Variants in LARS2 observed in about 807,000 individuals in gnomAD.
LARS2 encodes leucine--tRNA ligase, mitochondrial.
A neutral mutation model predicts 116.6 loss-of-function variants in LARS2; 81 were observed. The observed-to-expected ratio is 0.69, with a 90% confidence interval of 0.58 to 0.84. The LOEUF (loss-of-function observed/expected upper bound fraction) is 0.84, where lower values mean the gene tolerates loss of function less well. LARS2 is among the 40% of genes least tolerant of loss of function. LARS2 has a pLI of 0.00. For missense variants in LARS2, 968 were observed against 1,114.5 expected, an observed-to-expected ratio of 0.87 and a Z score of 1.87; for synonymous variants, 396 against 407.2, an observed-to-expected ratio of 0.97 and a Z score of 0.33.
intron 4 of LARS2, among the ~76,000 whole-genome samples, chr3:45,406,293 A>G (rs1698230266): frequency 6.6e-6 from 1 of 152,126 alleles, no homozygotes; most frequent in Non-Finnish European, 1.5e-5. Context: ...TGATCCCCTG[A>G]GGAGTTTGCT....
intron 10 of LARS2, among the ~76,000 whole-genome samples, chr3:45,477,568 C>G (rs1699636965): frequency 6.6e-6 from 1 of 152,172 alleles, no homozygotes; most frequent in African/African-American, 2.4e-5. Context: ...AGGGGGAGCT[C>G]TCCAAAACAA....
At chr3:45,394,989 G>T (rs1698021509) in intron 3 of LARS2, among the ~76,000 whole-genome samples, 1 of 152,160 alleles carries the variant, frequency 6.6e-6, no homozygotes. Flanking sequence ...GTGTATGACA[G>T]ACAGCAGCAA....
At chr3:45,529,546 T>C (rs1450179588) in intron 20 of LARS2, among the ~76,000 whole-genome samples, 1 of 143,128 alleles carries the variant, frequency 7.0e-6, no homozygotes, top group East Asian at 2.0e-4. Flanking sequence ...CGAAACTCCA[T>C]CTCCAAAAAA....
chr3:45,441,756 T>C (rs1286510756), intron 6 of LARS2, among the ~76,000 whole-genome samples: 2 of 152,200 alleles, frequency 1.3e-5, no homozygotes, highest in Non-Finnish European at 2.9e-5. Flanking sequence ...CCAGACTGGC[T>C]TAATTGTTAA....
intron 6 of LARS2, among the ~76,000 whole-genome samples, chr3:45,424,266 A>T (rs1419920912): frequency 6.6e-6 from 1 of 152,232 alleles, no homozygotes; most frequent in Non-Finnish European, 1.5e-5. Flanking sequence ...TAATACACAT[A>T]ACCTAATGAA....
chr3:45,470,833 G>A (rs1240899037), intron 8 of LARS2, among the ~76,000 whole-genome samples: 1 of 151,932 alleles, frequency 6.6e-6, no homozygotes, highest in East Asian at 1.9e-4. Flanking sequence ...TACATATTGG[G>A]TTCCCTCAGA....
intron 15 of LARS2, among the ~76,000 whole-genome samples, chr3:45,511,577 A>G (rs1053444194): frequency 7.2e-6 from 1 of 138,890 alleles, no homozygotes; most frequent in Non-Finnish European, 1.5e-5. Flanking sequence ...AGTTTACCTT[A>G]AAAAAAAAAA....
chr3:45,532,467 T>C (rs368448113), intron 20 of LARS2, among the ~76,000 whole-genome samples: 2 of 152,358 alleles, frequency 1.3e-5, no homozygotes, highest in African/African-American at 4.8e-5. Flanking sequence ...ATGGTAGACT[T>C]AATATACCAT....
chr3:45,448,679 C>G (rs1699061382), intron 7 of LARS2, among the ~76,000 whole-genome samples: 1 of 152,160 alleles, frequency 6.6e-6, no homozygotes, highest in Non-Finnish European at 1.5e-5. Context: ...AAGGGATGGG[C>G]CAAATTAAAG....
chr3:45,524,041 T>A lies in LARS2; in HGVS notation c.2337T>A (p.Asp779Glu), dbSNP rs1245387659. ...SVILHSPEFE[D>E]ALCALMVMAA... The stretch of plus-strand genomic sequence containing the variant: ...TTCTCCACAGCCCCGAGTTTGAGGA[T>A]GCTTTGTGTGCCCTGATGGTAATGG... The change falls in exon 20 of 22, where the codon GAT becomes GAA. Residue 779 changes from aspartate to glutamate, a missense_variant. Transcript: ENST00000645846. The A allele has an allele frequency of 2.5e-6, 4 of 1,614,132 alleles. No homozygotes were observed. The highest frequency in any genetic ancestry group is 2.5e-6 in the Non-Finnish European group (3 of 1,179,994).
At chr3:45,545,984 CAAGATCCCACAGCTTGT>C (rs1700870416) in intron 21 of LARS2, among the ~76,000 whole-genome samples, 1 of 151,696 alleles carries the variant, frequency 6.6e-6, no homozygotes, top group South Asian at 2.1e-4. Context: ...AAACTAAGCT[CAAGATCCCACAGCTTGT>C]AAGACCAGGC....
intron 15 of LARS2, among the ~76,000 whole-genome samples, chr3:45,509,168 G>A (rs866420224): frequency 6.6e-6 from 1 of 152,004 alleles, no homozygotes; most frequent in South Asian, 2.1e-4. Context: ...TAATACTCCC[G>A]CGTTTGATGG....
intron 9 of LARS2, among the ~76,000 whole-genome samples, chr3:45,475,951 C>G (rs912552287): frequency 1.3e-5 from 2 of 152,172 alleles, no homozygotes; most frequent in African/African-American, 4.8e-5. Context: ...CCTTAAAAGG[C>G]ATTTTAACCA....
intron 6 of LARS2, among the ~76,000 whole-genome samples, chr3:45,430,846 A>G (rs555039971): frequency 3.9e-5 from 6 of 151,940 alleles, no homozygotes; most frequent in African/African-American, 1.4e-4. Context: ...CGGCCTCCCA[A>G]AGTGCTGGGA....
At chr3:45,459,360 A>T (rs2125710681) in intron 8 of LARS2, among the ~76,000 whole-genome samples, 1 of 152,298 alleles carries the variant, frequency 6.6e-6, no homozygotes, top group African/African-American at 2.4e-5. Context: ...CACATGCTTA[A>T]ATTTTTCAAT....
At chr3:45,531,534 C>T (rs1048741356) in intron 20 of LARS2, among the ~76,000 whole-genome samples, 2 of 151,702 alleles carry the variant, frequency 1.3e-5, no homozygotes, top group South Asian at 2.1e-4. Flanking sequence ...CATGCCCCTA[C>T]GCCCGGCTAA....
chr3:45,499,429 G>A (rs1163965198), intron 14 of LARS2, among the ~76,000 whole-genome samples: 2 of 151,910 alleles, frequency 1.3e-5, no homozygotes, highest in African/African-American at 4.8e-5. Context: ...GTGACAGAGC[G>A]AGACTCCGTC....
At chr3:45,486,080 C>T (rs1055994928) in intron 11 of LARS2, among the ~76,000 whole-genome samples, 19 of 151,626 alleles carry the variant, frequency 1.3e-4, no homozygotes, top group African/African-American at 4.1e-4. Flanking sequence ...ACATATGATA[C>T]GAGGAACAAT....
At chr3:45,540,395 A>G (rs1700772994) in intron 20 of LARS2, among the ~76,000 whole-genome samples, 1 of 152,244 alleles carries the variant, frequency 6.6e-6, no homozygotes, top group Non-Finnish European at 1.5e-5. Flanking sequence ...TGTCATTCAC[A>G]ACCCAGTGTT....
Sources: allele counts gnomAD v4.1 joint callset (sites outside exome capture counted in the v4.1 genomes callset), GRCh38; gene constraint gnomAD v4.1.1; transcripts MANE v1.5; gene names NCBI Gene and HGNC (gene_info 2026-07-23, HGNC 2026-07-21).